The following SP100 variants were observed in gnomAD, a reference collection of about 807,000 sequenced individuals.
SP100 encodes SP100 nuclear body protein, also known as nuclear autoantigen Sp-100.
A neutral mutation model predicts 130.0 loss-of-function variants in SP100; 84 were observed. That is an observed-to-expected ratio of 0.65 (90% CI 0.54 to 0.77). The LOEUF is 0.77. SP100 is among the 30% of genes least tolerant of loss of function. The pLI is 0.00. For synonymous variants in SP100, 331 were observed against 351.7 expected (o/e 0.94, Z 0.66); for missense variants, 978 against 1,052.2 (o/e 0.93, Z 0.97).
At chr2:230,532,686 A>G (rs1691755788) in intron 24 of SP100, among the ~76,000 whole-genome samples, 1 of 152,260 alleles carries the variant, frequency 6.6e-6, no homozygotes, top group Admixed American at 6.5e-5. Context: ...ATCAGTTGTC[A>G]GTATTGTAAC....
Position 230,460,128 on chromosome 2 carries a change from C to T in SP100, c.821-1134C>T, listed in dbSNP as rs1049716533. On this transcript the variant is annotated intron_variant, in intron 8 of 28. Coordinates refer to ENST00000340126, the MANE Select transcript of SP100 (RefSeq NM_001080391.2). Reference sequence around the variant, plus strand: ...GGTGAAAATATACATACCCTATAACCCAACAATTATATTCCTCAGCAGAAA... The same window carrying T: ...GGTGAAAATATACATACCCTATAACTCAACAATTATATTCCTCAGCAGAAA... Among the ~76,000 whole-genome samples, 3 of 152,074 alleles carry T rather than the reference C, an allele frequency of 2.0e-5. No homozygotes were observed. In the South Asian group the frequency reaches 6.2e-4, roughly 32 times the overall value.
At chr2:230,438,646 TATAC>T (rs1553634659) in intron 2 of SP100, among the ~76,000 whole-genome samples, 244 of 98,970 alleles carry the variant, frequency 2.5e-3, no homozygotes, top group Middle Eastern at 9.1e-3. Context: ...GGTGTATATA[TATAC>T]ACACACACAC....
intron 17 of SP100, among the ~76,000 whole-genome samples, chr2:230,487,023 GT>G (rs1468893084): frequency 6.6e-6 from 1 of 151,838 alleles, no homozygotes; most frequent in Admixed American, 6.6e-5. Flanking sequence ...TGATGGTTTT[GT>G]TTTTTCTTGT....
At position 230,417,667 on chromosome 2, in the gene SP100, T is replaced by C. The variant is rs1329615565; in HGVS notation, c.107+2T>C. The C allele has an allele frequency of 6.2e-7, 1 of 1,611,650 alleles. No individual in the cohort carries two copies. Among genetic ancestry groups the C allele is most frequent in the Non-Finnish European group, 8.5e-7 (1 of 1,179,294 alleles). On this transcript the variant is annotated splice_donor_variant, in intron 2 of 28. Transcript: ENST00000340126. LOFTEE classifies it high-confidence loss of function. ...TGCACACAGCCACGATTTGCAAAGG[T>C]GATGAATGAAGAGTTATGTCTTGTT... is the stretch of plus-strand genomic sequence containing the variant.
intron 2 of SP100, among the ~76,000 whole-genome samples, chr2:230,438,746 T>C (rs1454047046): frequency 6.6e-6 from 1 of 151,934 alleles, no homozygotes; most frequent in Admixed American, 6.6e-5. Flanking sequence ...ATATATCACA[T>C]TTCTTTATCT....
In SP100 at chr2:230,435,190, T is replaced by A. The variant is rs369981419; in HGVS notation, c.108-7747T>A. 1.1e-4 allele frequency among the ~76,000 whole-genome samples: 17 copies of A among 152,332 alleles called. No individual in the cohort carries two copies. In the East Asian group the frequency reaches 2.3e-3, roughly 21 times the overall value. On this transcript the variant is annotated intron_variant, in intron 2 of 28. Coordinates refer to ENST00000340126, the MANE Select transcript of SP100 (RefSeq NM_001080391.2). ...CGTGACATAGTGTCACTAATGAAAT[T>A]GTGTTTGCCAATCTAATGGGTGAGA...
At chr2:230,473,141 C>G (rs916804184) in intron 15 of SP100, 183 bp from the exon 16 acceptor site, 3 of 481,276 alleles carry the variant, frequency 6.2e-6, no homozygotes, top group Non-Finnish European at 1.1e-5. Flanking sequence ...ATGAAATTCT[C>G]AGGGTTATTT....
intron 7 of SP100, 21 bp downstream of exon 7, chr2:230,449,731 A>G (rs1317833717): frequency 1.9e-6 from 3 of 1,613,610 alleles, no homozygotes; most frequent in African/African-American, 2.7e-5. Context: ...CTGGGTTGGC[A>G]TGAATGGGGA....
At chr2:230,459,274 A>G (rs2064453131) in intron 8 of SP100, among the ~76,000 whole-genome samples, 1 of 152,152 alleles carries the variant, frequency 6.6e-6, no homozygotes, top group East Asian at 1.9e-4. Flanking sequence ...GGGAAGAGAG[A>G]AGACAAATCA....
At chr2:230,518,030 C>CT (rs1240254486) in intron 24 of SP100, among the ~76,000 whole-genome samples, 2 of 152,034 alleles carry the variant, frequency 1.3e-5, no homozygotes, top group Non-Finnish European at 2.9e-5. Flanking sequence ...ATGACTTAGA[C>CT]TGTTTGCGAA....
chr2:230,470,302 C>A, intron 15 of SP100: 2 of 1,267,762 alleles, frequency 1.6e-6, no homozygotes, highest in East Asian at 3.5e-5. Flanking sequence ...GTTTCACTGA[C>A]TAAATGTATG....
intron 17 of SP100, among the ~76,000 whole-genome samples, chr2:230,486,677 C>T (rs6712053): frequency 6.6e-6 from 1 of 152,066 alleles, no homozygotes; most frequent in South Asian, 2.1e-4. Flanking sequence ...ACTTATATTC[C>T]TTTGGGTATA....
At chr2:230,472,545 CTAAAGATA>C (rs2065328199) in intron 15 of SP100, among the ~76,000 whole-genome samples, 1 of 149,522 alleles carries the variant, frequency 6.7e-6, no homozygotes, top group African/African-American at 2.5e-5. Flanking sequence ...AAAACTAGAT[CTAAAGATA>C]TAAACAGAAA....
intron 2 of SP100, among the ~76,000 whole-genome samples, chr2:230,427,629 T>A (rs1304183364): frequency 1.3e-5 from 2 of 152,186 alleles, no homozygotes; most frequent in Non-Finnish European, 2.9e-5. Flanking sequence ...TAGTACTTTT[T>A]TTCTTTCTTT....
intron 18 of SP100, 101 bp from the exon 19 acceptor site, chr2:230,498,360 G>A: frequency 3.6e-6 from 2 of 559,154 alleles, no homozygotes; most frequent in South Asian, 6.7e-5. Context: ...TTGTGTGTTA[G>A]GCTCTGGAAA....
chr2:230,495,623 A>G (rs912562480), intron 18 of SP100, among the ~76,000 whole-genome samples: 2 of 152,228 alleles, frequency 1.3e-5, no homozygotes, highest in African/African-American at 4.8e-5. Context: ...CAATCAGAGC[A>G]TATGCCACAC....
In SP100 at chr2:230,545,146, A is replaced by G. The variant is rs1234673416; in HGVS notation, c.*2200A>G. Among the ~76,000 whole-genome samples, 2 of 152,248 alleles carry G rather than the reference A, an allele frequency of 1.3e-5. No individual in the cohort carries two copies. The highest frequency in any genetic ancestry group is 1.5e-5 in the Non-Finnish European group (1 of 68,048). ...ACACATGCATGCAAATGTCCACTGC[A>G]GCACTATTCACAATAGCAAAGATAC... On this transcript the variant is annotated 3_prime_UTR_variant, in exon 29 of 29. Coordinates refer to ENST00000340126, the MANE Select transcript of SP100 (RefSeq NM_001080391.2).
intron 19 of SP100, among the ~76,000 whole-genome samples, chr2:230,502,686 G>A (rs529593617): frequency 1.3e-5 from 2 of 152,302 alleles, no homozygotes; most frequent in South Asian, 2.1e-4. Flanking sequence ...ATTTGGAGAC[G>A]TTAATAGAGA....
intron 24 of SP100, among the ~76,000 whole-genome samples, chr2:230,513,686 A>T (rs1047038093): frequency 6.6e-6 from 1 of 152,242 alleles, no homozygotes; most frequent in Non-Finnish European, 1.5e-5. Flanking sequence ...TGCTGACAAG[A>T]TGAGGTAGGT....
Sources: gnomAD v4.1 joint callset for allele counts (sites outside exome capture counted in the v4.1 genomes callset) on GRCh38, gnomAD v4.1.1 for gene constraint, MANE v1.5 for transcripts, NCBI Gene and HGNC (gene_info 2026-07-23, HGNC 2026-07-21) for gene names.